The following FSTL4 variants were observed in gnomAD, a reference collection of about 807,000 sequenced individuals.
The protein encoded by FSTL4 is follistatin like 4, also known as follistatin-related protein 4.
Under a neutral mutation model 78.2 loss-of-function variants are expected in FSTL4, and 28 were observed. That is an observed-to-expected ratio of 0.36 (90% CI 0.27 to 0.49). The LOEUF (loss-of-function observed/expected upper bound fraction) is 0.49. Among genes scored for constraint, FSTL4 ranks in the 20% least tolerant of loss-of-function variants. FSTL4 has a pLI of 0.98. For missense variants in FSTL4, 922 were observed against 1,084.9 expected (o/e 0.85, Z 2.11); for synonymous variants, 422 against 440.5 (o/e 0.96, Z 0.53).
At chr5:133,365,045 A>ACAGAAGG (rs1755156012) in intron 4 of FSTL4, among the ~76,000 whole-genome samples, 1 of 152,144 alleles carries the variant, frequency 6.6e-6, no homozygotes, top group Non-Finnish European at 1.5e-5. Context: ...AAAGCCCTCT[A>ACAGAAGG]TTTTAGCGCA....
At chr5:133,762,864 C>A in the FSTL4 span, among the ~76,000 whole-genome samples, 1 of 152,226 alleles carries the variant, frequency 6.6e-6, no homozygotes, top group East Asian at 1.9e-4. Context: ...CCCTGACTCA[C>A]TTGGACCAAT....
intron 4 of FSTL4, among the ~76,000 whole-genome samples, chr5:133,390,385 T>A (rs1349766291): frequency 6.6e-6 from 1 of 152,274 alleles, no homozygotes; most frequent in Non-Finnish European, 1.5e-5. Context: ...GGAAGAACTC[T>A]CTAGGAGATG....
intron 1 of FSTL4, among the ~76,000 whole-genome samples, chr5:133,610,690 G>C (rs1761070974): frequency 1.3e-5 from 2 of 152,212 alleles, no homozygotes; most frequent in African/African-American, 4.8e-5. Flanking sequence ...CCGCCAACCA[G>C]ACCCAGAGTC....
the FSTL4 span, among the ~76,000 whole-genome samples, chr5:133,737,039 C>A: frequency 6.6e-6 from 1 of 152,006 alleles, no homozygotes; most frequent in African/African-American, 2.4e-5. Context: ...AACAGGGTAT[C>A]CAGCCCCTCA....
chr5:133,396,146 A>G (rs1054081697), intron 4 of FSTL4, among the ~76,000 whole-genome samples: 1 of 152,184 alleles, frequency 6.6e-6, no homozygotes, highest in African/African-American at 2.4e-5. Flanking sequence ...CAGAGTTGTC[A>G]CATAAATGGG....
the FSTL4 span, among the ~76,000 whole-genome samples, chr5:133,810,676 G>A: frequency 6.6e-6 from 1 of 152,106 alleles, no homozygotes. Flanking sequence ...ATTTACATAG[G>A]GCCCAAAGAT....
Position 133,316,646 on chromosome 5 carries a change from G to T in FSTL4, c.416C>A (p.Thr139Lys), listed in dbSNP as rs757667671. Residue 139 changes from threonine to lysine, a missense_variant, in exon 5 of 16, where the codon ACG becomes AAG. Physicochemically the swap from Thr to Lys is moderately conservative, Grantham distance 78. Transcript: ENST00000265342. ...HSKDCFLKGD[T>K]CTMAGYARLK... is the part of the protein sequence containing the mutation. ...GCGGGCGTAGCCGGCCATGGTGCAC[G>T]TGTCACCTGAAAGAGAAGGTGAGGT... The T allele has an allele frequency of 6.2e-7, 1 of 1,607,000 alleles. No individual in the cohort carries two copies. The highest frequency in any genetic ancestry group is 1.7e-5 in the Admixed American group (1 of 59,374).
intron 6 of FSTL4, 56 bp from the exon 7 acceptor site, chr5:133,249,632 A>C: frequency 8.0e-4 from 1,115 of 1,394,194 alleles, no homozygotes; most frequent in Non-Finnish European, 1.0e-3. Flanking sequence ...TTGGAGTCTC[A>C]ACTCAAGGTG....
intron 3 of FSTL4, among the ~76,000 whole-genome samples, chr5:133,516,611 G>A (rs1401889372): frequency 2.6e-5 from 4 of 152,142 alleles, no homozygotes; most frequent in Admixed American, 2.6e-4. Context: ...CCAATAAATT[G>A]TGAATGGGAT....
intron 4 of FSTL4, among the ~76,000 whole-genome samples, chr5:133,352,313 C>CACACATATATATACACACATATATATAT (rs1561682949): frequency 1.4e-4 from 15 of 110,874 alleles, no homozygotes; most frequent in Non-Finnish European, 2.1e-4. Context: ...TATATATATA[C>CACACATATATATACACACATATATATAT]ACACATATAT....
rs140455697 is a variant in FSTL4, at chr5:133,551,655, G to A, written c.160+15531C>T. Among the ~76,000 whole-genome samples, 1,049 of 152,272 alleles carry A rather than the reference G, an allele frequency of 6.9e-3. 4 individuals are homozygous for A. Among genetic ancestry groups the A allele is most frequent in the Admixed American group, 0.013 (197 of 15,302 alleles). ...TTTTATAAAATCGTGTGATTCTGGA[G>A]GAGCCAACAGTATCTTTGGGATAAA... On this transcript the variant is annotated intron_variant, in intron 3 of 15. Transcript: ENST00000265342.
At position 133,440,146 on chromosome 5, in the gene FSTL4, A is replaced by G. The variant is rs1373996050; in HGVS notation, c.161-39160T>C. On this transcript the variant is annotated intron_variant, in intron 3 of 15. Coordinates refer to ENST00000265342, the MANE Select transcript of FSTL4 (RefSeq NM_015082.2). The surrounding 1 kb of genome is among the most constrained non-coding windows in gnomAD (Gnocchi z 4.1). ...GCAGGTCCAGCTGGGCGAGTAGTAC[A>G]GGAGAGAGCTCTGGAACCCGGGGCT... Among the ~76,000 whole-genome samples, 2 of 152,148 alleles carry G rather than the reference A, an allele frequency of 1.3e-5. No individual in the cohort carries two copies. Among genetic ancestry groups the G allele is most frequent in the African/African-American group, 4.8e-5 (2 of 41,436 alleles).
intron 3 of FSTL4, among the ~76,000 whole-genome samples, chr5:133,492,883 CT>C (rs983824686): frequency 6.6e-6 from 1 of 151,784 alleles, no homozygotes; most frequent in African/African-American, 2.4e-5. Flanking sequence ...CTCTTAATAT[CT>C]GTTTTATATT....
At chr5:133,833,291 T>C in the FSTL4 span, among the ~76,000 whole-genome samples, 12 of 152,190 alleles carry the variant, frequency 7.9e-5, no homozygotes, top group African/African-American at 2.9e-4. Flanking sequence ...TCTGATGGGA[T>C]TTTCTAAGAT....
At chr5:133,578,625 TA>T (rs1257049062) in intron 2 of FSTL4, among the ~76,000 whole-genome samples, 1 of 152,246 alleles carries the variant, frequency 6.6e-6, no homozygotes, top group African/African-American at 2.4e-5. Flanking sequence ...GATTTGGAAA[TA>T]TTATATGAGG....
chr5:133,562,634 A>G (rs1397976743), intron 3 of FSTL4, among the ~76,000 whole-genome samples: 4 of 152,114 alleles, frequency 2.6e-5, no homozygotes, highest in South Asian at 4.2e-4. Flanking sequence ...GCCAGGCTGG[A>G]CAGGGCTGGA....
intron 7 of FSTL4, 62 bp from the exon 8 acceptor site, chr5:133,233,599 C>A: frequency 1.3e-6 from 2 of 1,585,474 alleles, no homozygotes; most frequent in Non-Finnish European, 8.6e-7. Flanking sequence ...GAAACCATAG[C>A]TGTCTCCTGG....
the FSTL4 span, among the ~76,000 whole-genome samples, chr5:133,726,372 A>G: frequency 0.033 from 5,036 of 151,940 alleles, 286 homozygotes; most frequent in African/African-American, 0.11. Flanking sequence ...TCCCTGAAAC[A>G]CTCCTCTTGC....
chr5:133,556,062 G>A (rs1759780417), intron 3 of FSTL4, among the ~76,000 whole-genome samples: 1 of 152,102 alleles, frequency 6.6e-6, no homozygotes, highest in Non-Finnish European at 1.5e-5. Flanking sequence ...GGTTGGGGGA[G>A]GTCCCAGGAC....
Sources: allele counts gnomAD v4.1 joint callset (sites outside exome capture counted in the v4.1 genomes callset), GRCh38; gene constraint gnomAD v4.1.1; non-coding constraint Gnocchi (gnomAD v3.1); transcripts MANE v1.5; gene names NCBI Gene and HGNC (gene_info 2026-07-23, HGNC 2026-07-21).